Variants in CLN3 observed in about 807,000 individuals in gnomAD.
CLN3 encodes battenin.
Under a neutral mutation model 60.7 loss-of-function variants are expected in CLN3, and 49 were observed. The ratio of observed to expected loss-of-function variants is 0.81; its 90% CI spans 0.64 to 1.02. The LOEUF (loss-of-function observed/expected upper bound fraction) is 1.02. CLN3 is among the 50% of genes least tolerant of loss of function. The pLI is 0.00. For synonymous variants in CLN3, 256 were observed against 245.8 expected, an observed-to-expected ratio of 1.04 and a Z score of -0.39; for missense variants, 516 against 557.4, an observed-to-expected ratio of 0.93 and a Z score of 0.75.
Position 28,486,462 on chromosome 16 carries a change from T to G in CLN3, c.562A>C (p.Thr188Pro). ...RAVISWWSSG[T>P]GGAGLLGALS... is the part of the protein sequence containing the mutation. The stretch of plus-strand genomic sequence containing the variant: ...GCCCCCAGCAGCCCAGCTCCCCCAG[T>G]CCCTGAGGACCACCAGGAGATCACG... The change falls in exon 9 of 16, where the codon ACT becomes CCT. Residue 188 changes from threonine to proline, a missense_variant. Physicochemically the swap from Thr to Pro is conservative, Grantham distance 38. Coordinates refer to ENST00000636147, the MANE Select transcript of CLN3 (RefSeq NM_001042432.2). 1 of 1,613,232 alleles carries G rather than the reference T, an allele frequency of 6.2e-7. No individual in the cohort carries two copies. The highest frequency in any genetic ancestry group is 2.2e-5 in the East Asian group (1 of 44,856).
At chr16:28,489,121 C>G (rs892408486) in intron 4 of CLN3, among the ~76,000 whole-genome samples, 169 bp downstream of exon 4, 1 of 151,978 alleles carries the variant, frequency 6.6e-6, no homozygotes, top group South Asian at 2.1e-4. Context: ...AGGCTGGTCT[C>G]GAACTCCTGA....
chr16:28,478,005 A>G, intron 14 of CLN3, 128 bp from the exon 15 acceptor site: 3 of 1,085,902 alleles, frequency 2.8e-6, no homozygotes, highest in South Asian at 2.8e-5. Context: ...TCTAGATAAA[A>G]TCTCAACACC....
chr16:28,478,551 G>A (rs1312139625), intron 14 of CLN3, among the ~76,000 whole-genome samples: 3 of 148,854 alleles, frequency 2.0e-5, no homozygotes, highest in African/African-American at 5.1e-5. Flanking sequence ...AGGAGGTGGA[G>A]GCTGCAGTAA....
Position 28,477,296 on chromosome 16 carries a change from C to CA in CLN3, c.*219dup. ...ATAAGAAGTCCATGGATAAAATCGGCATTTATTCAGAAGGCATGATGCCAG... is the reference window on the plus strand; with the variant it reads ...ATAAGAAGTCCATGGATAAAATCGGCAATTTATTCAGAAGGCATGATGCCAG... On this transcript the variant is annotated 3_prime_UTR_variant, in exon 16 of 16. Transcript: ENST00000636147. The CA allele has an allele frequency of 1.6e-6, 1 of 607,740 alleles. No homozygotes were observed. Among genetic ancestry groups the CA allele is most frequent in the Non-Finnish European group, 2.9e-6 (1 of 345,682 alleles). The allele number at this position is 607,740 out of a possible 1,614,324, so 37.6% of individuals were successfully genotyped here.
intron 9 of CLN3, 67 bp downstream of exon 9, chr16:28,486,280 C>T: frequency 6.2e-7 from 1 of 1,600,494 alleles, no homozygotes; most frequent in Non-Finnish European, 8.5e-7. Flanking sequence ...GCGTGAGCCA[C>T]CACACCCAGC....
downstream of CLN3, chr16:28,469,740 G>A (rs866969616): frequency 1.0e-5 from 4 of 399,438 alleles, no homozygotes; most frequent in Middle Eastern, 1.7e-3. Context: ...TGTAATCCCG[G>A]CACTGGGAGG....
downstream of CLN3, among the ~76,000 whole-genome samples, chr16:28,471,858 T>C (rs1187847206): frequency 1.3e-5 from 2 of 151,990 alleles, no homozygotes; most frequent in Non-Finnish European, 2.9e-5. Context: ...ACCTTCATGA[T>C]TGACCTCTCA....
At chr16:28,482,004 T>C in intron 14 of CLN3, 101 bp downstream of exon 14, 1 of 758,746 alleles carries the variant, frequency 1.3e-6, no homozygotes, top group South Asian at 1.7e-5. Flanking sequence ...AAAAAAAAAA[T>C]TTACACTTCC....
At chr16:28,470,607 GA>G (rs1433001977), downstream of CLN3, 2 of 56,970 alleles carry the variant, frequency 3.5e-5, no homozygotes, top group East Asian at 7.0e-4. Context: ...AGGGGAAGGG[GA>G]AGGGGAGGGG....
At chr16:28,487,067 C>T (rs1205468087) in intron 7 of CLN3, 18 of 365,902 alleles carry the variant, frequency 4.9e-5, no homozygotes, top group African/African-American at 2.9e-4. Flanking sequence ...CCTGCCACCA[C>T]ACCCAGCTAA....
downstream of CLN3, among the ~76,000 whole-genome samples, chr16:28,472,089 T>C (rs1407447124): frequency 6.6e-6 from 1 of 152,186 alleles, no homozygotes; most frequent in African/African-American, 2.4e-5. Flanking sequence ...TACAAAGCTA[T>C]AGTAATTAAG....
chr16:28,490,059 A>G (rs76961024), intron 3 of CLN3, among the ~76,000 whole-genome samples: 1 of 146,508 alleles, frequency 6.8e-6, no homozygotes, highest in African/African-American at 2.5e-5. Flanking sequence ...CTCTATCTCA[A>G]AAAAAAAAAA....
In CLN3 at chr16:28,486,387, G is replaced by A. The variant is rs2141712165; in HGVS notation, c.637C>T (p.Leu213=). The change falls in exon 9 of 16, where the codon CTG becomes TTG. Residue 213 remains leucine, a synonymous_variant. Coordinates refer to ENST00000636147, the MANE Select transcript of CLN3 (RefSeq NM_001042432.2). ...TQAGLSPQQT[L]LSMLGIPALL... is the part of the protein sequence containing the mutation. ...GCAGGGATACCCAGCATGGACAGCA[G>A]GGTCTGCTGAGGGGAGAGGCCGGCC... The A allele has an allele frequency of 6.2e-7, 1 of 1,613,186 alleles. No individual in the cohort carries two copies. The highest frequency in any genetic ancestry group is 8.5e-7 in the Non-Finnish European group (1 of 1,180,032).
chr16:28,485,725 T>C (rs1343689498), intron 9 of CLN3, among the ~76,000 whole-genome samples: 5 of 129,748 alleles, frequency 3.9e-5, no homozygotes, highest in Non-Finnish European at 7.9e-5. Context: ...TCAAATAAAG[T>C]CCACCCTCAT....
Position 28,491,492 on chromosome 16 carries a change from C to A in CLN3, c.115G>T (p.Val39Leu). The A allele has an allele frequency of 6.2e-7, 1 of 1,613,640 alleles. No homozygotes were observed. The highest frequency in any genetic ancestry group is 8.5e-7 in the Non-Finnish European group (1 of 1,180,032). The change falls in exon 3 of 16, where the codon GTG (valine) becomes TTG (leucine). Residue 39 changes from valine (V) to leucine (L), a missense_variant. Val to Leu is a conservative substitution (Grantham distance 32, BLOSUM62 1). Transcript: ENST00000636147. ...DHQGAHWKNAVGFWLLGLCNN... is the reference protein window; with the variant it reads ...DHQGAHWKNALGFWLLGLCNN... ...TCTCAGGCCACTCACCAGAAGCCCACCGCGTTCTTCCAATGCGCGCCCTGA... is the reference window on the plus strand; with the variant it reads ...TCTCAGGCCACTCACCAGAAGCCCAACGCGTTCTTCCAATGCGCGCCCTGA...
downstream of CLN3, chr16:28,476,717 G>A (rs1311579120): frequency 6.6e-6 from 1 of 152,574 alleles, no homozygotes; most frequent in Admixed American, 6.5e-5. Flanking sequence ...CGCATACTCA[G>A]GATGATTCAC....
At chr16:28,484,358 T>C (rs2046167765) in intron 9 of CLN3, 1 of 509,724 alleles carries the variant, frequency 2.0e-6, no homozygotes, top group East Asian at 3.5e-5. Context: ...TTTGTTTTGA[T>C]TTTTTTCAGA....
chr16:28,489,715 C>T (rs2046280648), intron 3 of CLN3, among the ~76,000 whole-genome samples: 1 of 152,032 alleles, frequency 6.6e-6, no homozygotes, highest in Non-Finnish European at 1.5e-5. Context: ...CATGCCACTG[C>T]ACTCTAGCCT....
At position 28,477,776 on chromosome 16, in the gene CLN3, G is replaced by A. The variant is rs145340637; in HGVS notation, c.1158C>T (p.Gly386=). Residue 386 remains glycine (G), a synonymous_variant, in exon 15 of 16, where the codon GGC becomes GGT. Transcript: ENST00000636147. ...LIILYEGLLG[G]AAYVNTFHNI... ...TGTGGAAGGTGTTCACGTAGGCTGC[G>A]CCTCCCAGGAGCCCCTCATACAGAA... is the stretch of plus-strand genomic sequence containing the variant. 8.4e-5 allele frequency: 135 copies of A among 1,614,124 alleles called. 1 individual carries two copies. The highest frequency in any genetic ancestry group is 1.0e-4 in the Non-Finnish European group (120 of 1,180,022).
Sources: gnomAD v4.1 joint callset for allele counts (sites outside exome capture counted in the v4.1 genomes callset) on GRCh38, gnomAD v4.1.1 for gene constraint, MANE v1.5 for transcripts, NCBI Gene and HGNC (gene_info 2026-07-23, HGNC 2026-07-21) for gene names.